Variants in FRAS1 observed in about 807,000 individuals in gnomAD.
FRAS1 encodes extracellular matrix organizing protein FRAS1.
In FRAS1, 290 loss-of-function variants were observed where a neutral mutation model predicts 435.2. The observed-to-expected ratio is 0.67, with a 90% CI of 0.61 to 0.73. FRAS1 has a LOEUF of 0.73. Ranked by LOEUF, FRAS1 falls within the 30% of genes least tolerant of loss-of-function variation. The pLI is 0.00. For synonymous variants in FRAS1, 1,800 were observed against 1,851.0 expected, an observed-to-expected ratio of 0.97 and a Z score of 0.71; for missense variants, 4,860 against 5,001.5, an observed-to-expected ratio of 0.97 and a Z score of 0.85.
Position 78,540,860 on chromosome 4 carries a change from T to A in FRAS1, c.11775T>A (p.Phe3925Leu), listed in dbSNP as rs368792355. ...TTCTGGTGTTTTTGGTGGCTTGTTT[T>A]ATCAACAGGAAATGCCAGAAACAGA... ...LLLLVFLVAC[F>L]INRKCQKQRK... The change falls in exon 74 of 74, where the codon TTT becomes TTA. Residue 3925 changes from phenylalanine (F) to leucine (L), a missense_variant. Transcript: ENST00000512123. 25 of 1,613,982 alleles carry A rather than the reference T, an allele frequency of 1.5e-5. No homozygotes were observed. The Middle Eastern group carries it at 6.6e-4, about 43-fold the overall frequency.
chr4:78,528,196 T>C (rs1721602369), intron 70 of FRAS1, among the ~76,000 whole-genome samples: 1 of 152,074 alleles, frequency 6.6e-6, no homozygotes, highest in Admixed American at 6.6e-5. Context: ...AAAGAGTAAA[T>C]ATACTAGAGG....
In FRAS1 at chr4:78,174,132, T is replaced by C. The variant is rs141641903; in HGVS notation, c.109-63378T>C. On this transcript the variant is annotated intron_variant, in intron 2 of 73. Transcript: ENST00000512123. ...TTTTTAGGACCAGTCTCTGATGCTT[T>C]GACTCTCTGAATGAGCCTCATGTTT... 2.9e-3 allele frequency among the ~76,000 whole-genome samples: 437 copies of C among 152,296 alleles called. 1 individual carries two copies. The highest frequency in any genetic ancestry group is 6.8e-3 in the Middle Eastern group (2 of 294).
At chr4:78,533,165 C>T (rs1465810956) in intron 70 of FRAS1, among the ~76,000 whole-genome samples, 2 of 152,152 alleles carry the variant, frequency 1.3e-5, no homozygotes, top group Non-Finnish European at 2.9e-5. Context: ...AATTGTTCTC[C>T]TTATCACCTG....
chr4:78,201,481 C>T (rs551923302), intron 2 of FRAS1, among the ~76,000 whole-genome samples: 1 of 152,238 alleles, frequency 6.6e-6, no homozygotes, highest in East Asian at 1.9e-4. Context: ...ATGGGTCATG[C>T]CCTCCCATCT....
At chr4:78,269,124 T>C (rs1205798599) in intron 9 of FRAS1, among the ~76,000 whole-genome samples, 3 of 152,222 alleles carry the variant, frequency 2.0e-5, no homozygotes, top group Admixed American at 2.0e-4. Context: ...ATGCCATACT[T>C]CTGTTGACCT....
rs1720625195 is a variant in FRAS1, at chr4:78,499,876, G to A, written c.9271G>A (p.Gly3091Ser). 3.1e-6 allele frequency: 5 copies of A among 1,599,264 alleles called. No individual in the cohort carries two copies. The highest frequency in any genetic ancestry group is 4.3e-6 in the Non-Finnish European group (5 of 1,169,828). The change falls in exon 61 of 74, where the codon GGT becomes AGT. Residue 3091 changes from glycine (G) to serine (S), a missense_variant. Coordinates refer to ENST00000512123, the MANE Select transcript of FRAS1 (RefSeq NM_025074.7). ...CACGCGGGATGGCTCTGCCCAGTCTGGTGTGGATTATTACCCAAAGAGCCG... is the reference window on the plus strand; with the variant it reads ...CACGCGGGATGGCTCTGCCCAGTCTAGTGTGGATTATTACCCAAAGAGCCG... ...CSTRDGSAQS[G>S]VDYYPKSRVL...
intron 38 of FRAS1, among the ~76,000 whole-genome samples, chr4:78,437,798 C>T (rs1472531743): frequency 6.6e-6 from 1 of 152,188 alleles, no homozygotes; most frequent in African/African-American, 2.4e-5. Flanking sequence ...CTCAGGGAAA[C>T]TTTATAAGAA....
chr4:78,059,774 G>T (rs900502086), intron 1 of FRAS1, among the ~76,000 whole-genome samples: 1 of 151,092 alleles, frequency 6.6e-6, no homozygotes, highest in Non-Finnish European at 1.5e-5. Context: ...AGCCTGCAGG[G>T]TGCGCTCTTT....
chr4:78,484,870 GCATTATAT>G (rs879935009), intron 58 of FRAS1, among the ~76,000 whole-genome samples: 2 of 152,114 alleles, frequency 1.3e-5, no homozygotes, highest in Non-Finnish European at 2.9e-5. Flanking sequence ...CATCCTCCTT[GCATTATAT>G]ACTACATGGT....
chr4:78,065,083 T>TATATATATATACAC (rs1383890164), intron 1 of FRAS1, among the ~76,000 whole-genome samples: 27 of 140,592 alleles, frequency 1.9e-4, no homozygotes, highest in African/African-American at 6.8e-4. Context: ...TATATATATA[T>TATATATATATACAC]ACATACACAC....
intron 2 of FRAS1, among the ~76,000 whole-genome samples, chr4:78,202,451 G>T (rs893616985): frequency 2.0e-5 from 3 of 152,186 alleles, no homozygotes; most frequent in African/African-American, 7.2e-5. Flanking sequence ...AGCACTTCTG[G>T]AGGCTGAGGT....
At chr4:78,144,936 C>A (rs548852273) in intron 2 of FRAS1, among the ~76,000 whole-genome samples, 2 of 152,110 alleles carry the variant, frequency 1.3e-5, no homozygotes, top group South Asian at 4.1e-4. Flanking sequence ...TTCTTATAAC[C>A]AAATTTTTGT....
intron 9 of FRAS1, among the ~76,000 whole-genome samples, chr4:78,271,717 A>T (rs1157520059): frequency 6.6e-6 from 1 of 151,648 alleles, no homozygotes; most frequent in Non-Finnish European, 1.5e-5. Context: ...TCTATCATTG[A>T]TGGGCATTTG....
chr4:78,393,023 T>A lies in FRAS1; in HGVS notation c.3975+5322T>A, dbSNP rs57231370. Among the ~76,000 whole-genome samples the A allele has an allele frequency of 8.5e-3, 1,203 of 140,734 alleles. 7 individuals are homozygous for A. The highest frequency in any genetic ancestry group is 0.015 in the African/African-American group (548 of 36,230). 92.3% of individuals were successfully genotyped at this position (140,734 alleles called of 152,430 possible). On this transcript the variant is annotated intron_variant, in intron 29 of 73. Transcript: ENST00000512123. ...ATGCTTCTTCCTTTTTTTTTTTTTT[T>A]AAAAAAAACCCTACTTTATTGAGGA...
At chr4:78,231,334 A>C (rs1016780286) in intron 2 of FRAS1, among the ~76,000 whole-genome samples, 1 of 151,448 alleles carries the variant, frequency 6.6e-6, no homozygotes, top group Non-Finnish European at 1.5e-5. Context: ...TTGTTGAAAA[A>C]CGGAAAATAC....
At chr4:78,150,371 G>T (rs893747664) in intron 2 of FRAS1, among the ~76,000 whole-genome samples, 2 of 152,070 alleles carry the variant, frequency 1.3e-5, no homozygotes, top group Non-Finnish European at 2.9e-5. Flanking sequence ...TTTTTGGTCC[G>T]CTTTTGGTCT....
chr4:78,237,514 C>T lies in FRAS1; in HGVS notation c.113C>T (p.Ala38Val). 1 of 1,612,164 alleles carries T rather than the reference C, an allele frequency of 6.2e-7. No individual in the cohort carries two copies. The highest frequency in any genetic ancestry group is 8.5e-7 in the Non-Finnish European group (1 of 1,178,540). The change falls in exon 3 of 74, where the codon GCC becomes GTC. Residue 38 changes from alanine to valine, a missense_variant. By Grantham distance (64) the Ala-to-Val change is moderately conservative. Coordinates refer to ENST00000512123, the MANE Select transcript of FRAS1 (RefSeq NM_025074.7). ...AGAGCTTATGCCTCTTTACAGGATGCCACAATTTGGAAGCCCGATTCATGC... is the reference window on the plus strand; with the variant it reads ...AGAGCTTATGCCTCTTTACAGGATGTCACAATTTGGAAGCCCGATTCATGC... ...CVYQDSLLAD[A>V]TIWKPDSCQS...
chr4:78,537,338 A>G, intron 72 of FRAS1, 138 bp downstream of exon 72: 1 of 818,026 alleles, frequency 1.2e-6, no homozygotes, highest in Non-Finnish European at 1.9e-6. Context: ...TGTTTCTTTC[A>G]GATCAGCTAA....
chr4:78,121,316 T>C (rs2109964121), intron 2 of FRAS1, among the ~76,000 whole-genome samples: 1 of 152,338 alleles, frequency 6.6e-6, no homozygotes, highest in East Asian at 1.9e-4. Context: ...TGACTGATGG[T>C]AGATATTTAA....
Sources: allele counts gnomAD v4.1 joint callset (sites outside exome capture counted in the v4.1 genomes callset), GRCh38; gene constraint gnomAD v4.1.1; transcripts MANE v1.5; gene names NCBI Gene and HGNC (gene_info 2026-07-23, HGNC 2026-07-21).